The following ZMYND11 variants were observed in gnomAD, a reference collection of about 807,000 sequenced individuals.
The protein encoded by ZMYND11 is zinc finger MYND-type containing 11.
A neutral mutation model predicts 84.9 loss-of-function variants in ZMYND11; 9 were observed. The ratio of observed to expected loss-of-function variants is 0.11; its 90% CI spans 0.06 to 0.18. ZMYND11 has a LOEUF of 0.18. Ranked by LOEUF, ZMYND11 falls within the 10% of genes least tolerant of loss-of-function variation. ZMYND11 has a pLI of 1.00. For missense variants in ZMYND11, 409 were observed against 761.0 expected, an observed-to-expected ratio of 0.54 and a Z score of 5.44; for synonymous variants, 250 against 244.1, an observed-to-expected ratio of 1.02 and a Z score of -0.23.
intron 4 of ZMYND11, among the ~76,000 whole-genome samples, chr10:234,961 G>C (rs1017186705): frequency 2.1e-5 from 3 of 145,896 alleles, no homozygotes; most frequent in African/African-American, 7.6e-5. Context: ...TGTACAAGAG[G>C]TGCCCGCTAG....
intron 2 of ZMYND11, among the ~76,000 whole-genome samples, chr10:182,384 G>A (rs1848067567): frequency 6.6e-6 from 1 of 152,122 alleles, no homozygotes; most frequent in Non-Finnish European, 1.5e-5. Flanking sequence ...CATCAGCATA[G>A]CCTTAACTGA....
chr10:136,927 A>G (rs1203320377), intron 1 of ZMYND11, among the ~76,000 whole-genome samples: 1 of 152,098 alleles, frequency 6.6e-6, no homozygotes, highest in East Asian at 1.9e-4. Context: ...CATATACGTT[A>G]GGTATATAGT....
chr10:202,634 T>G (rs1943424501), intron 2 of ZMYND11, among the ~76,000 whole-genome samples: 1 of 152,182 alleles, frequency 6.6e-6, no homozygotes, highest in African/African-American at 2.4e-5. Context: ...TGTGTGCTAG[T>G]TGCGACTCAT....
intron 3 of ZMYND11, among the ~76,000 whole-genome samples, chr10:211,209 A>G (rs1945155347): frequency 6.6e-6 from 1 of 152,032 alleles, no homozygotes; most frequent in Admixed American, 6.6e-5. Flanking sequence ...AAAGAAAAAA[A>G]AAAATCTATC....
intron 3 of ZMYND11, among the ~76,000 whole-genome samples, chr10:213,017 C>T (rs1195110634): frequency 2.0e-5 from 3 of 152,144 alleles, no homozygotes; most frequent in South Asian, 4.1e-4. Flanking sequence ...CCTGATAACA[C>T]TCTAGGAGGA....
chr10:160,383 T>C (rs1396867148), intron 1 of ZMYND11, among the ~76,000 whole-genome samples: 2 of 152,344 alleles, frequency 1.3e-5, no homozygotes, highest in Admixed American at 6.5e-5. Flanking sequence ...TGTGGTCTTT[T>C]TGCTGGTGGA....
At chr10:201,963 A>G (rs1943265827) in intron 2 of ZMYND11, among the ~76,000 whole-genome samples, 2 of 152,172 alleles carry the variant, frequency 1.3e-5, no homozygotes, top group Admixed American at 6.5e-5. Flanking sequence ...CTTTATTGGA[A>G]GAAGAAAAGT....
At chr10:240,034 T>C in intron 7 of ZMYND11, 22 bp from the exon 8 acceptor site, 2 of 1,599,644 alleles carry the variant, frequency 1.3e-6, no homozygotes. Flanking sequence ...TGCTTATAGG[T>C]AATATCTATT....
At chr10:181,789 A>C (rs1176323568) in intron 2 of ZMYND11, among the ~76,000 whole-genome samples, 1 of 152,198 alleles carries the variant, frequency 6.6e-6, no homozygotes, top group Non-Finnish European at 1.5e-5. Flanking sequence ...AGATAATACT[A>C]TGTGAACAAT....
intron 2 of ZMYND11, among the ~76,000 whole-genome samples, chr10:194,851 T>C (rs1231795349): frequency 6.6e-6 from 1 of 152,182 alleles, no homozygotes; most frequent in Non-Finnish European, 1.5e-5. Flanking sequence ...AGGGATGTAA[T>C]GGAGGAAATG....
intron 2 of ZMYND11, among the ~76,000 whole-genome samples, chr10:204,105 T>C (rs1943718580): frequency 6.6e-6 from 1 of 152,152 alleles, no homozygotes; most frequent in African/African-American, 2.4e-5. Flanking sequence ...TGCTGAACAA[T>C]TGTGTGGTTT....
chr10:245,609 A>C (rs1454459035), intron 10 of ZMYND11, among the ~76,000 whole-genome samples: 1 of 152,170 alleles, frequency 6.6e-6, no homozygotes, highest in Non-Finnish European at 1.5e-5. Flanking sequence ...ACAGTTTCCT[A>C]CCTCATTTGT....
chr10:235,445 C>T (rs1949785863), intron 4 of ZMYND11, among the ~76,000 whole-genome samples: 1 of 151,838 alleles, frequency 6.6e-6, no homozygotes, highest in South Asian at 2.1e-4. Context: ...AAACCCAGGG[C>T]TCAGGAAATT....
intron 2 of ZMYND11, among the ~76,000 whole-genome samples, chr10:208,092 A>G (rs1325900021): frequency 6.6e-6 from 1 of 152,222 alleles, no homozygotes; most frequent in Non-Finnish European, 1.5e-5. Context: ...CTGGCTAGCC[A>G]TATGTAGAAA....
At chr10:163,626 T>A (rs1367732101) in intron 1 of ZMYND11, among the ~76,000 whole-genome samples, 3 of 152,180 alleles carry the variant, frequency 2.0e-5, no homozygotes, top group African/African-American at 4.8e-5. Flanking sequence ...ACATATATTT[T>A]AAAAATGTTT....
intron 4 of ZMYND11, among the ~76,000 whole-genome samples, chr10:223,335 A>G (rs1430629658): frequency 1.3e-5 from 2 of 152,144 alleles, no homozygotes; most frequent in African/African-American, 2.4e-5. Flanking sequence ...CATCGTGCCC[A>G]GTCTGTGTTT....
At chr10:229,046 T>C (rs1948575168) in intron 4 of ZMYND11, among the ~76,000 whole-genome samples, 1 of 152,236 alleles carries the variant, frequency 6.6e-6, no homozygotes, top group Non-Finnish European at 1.5e-5. Flanking sequence ...GATGCTTTCA[T>C]AGTTACTAAG....
At chr10:214,258 G>T (rs1340102819) in intron 3 of ZMYND11, among the ~76,000 whole-genome samples, 1 of 151,990 alleles carries the variant, frequency 6.6e-6, no homozygotes, top group Non-Finnish European at 1.5e-5. Context: ...TTAAAGTAAG[G>T]CCACTCCCAA....
At chr10:140,392 G>C (rs1006106685) in intron 1 of ZMYND11, among the ~76,000 whole-genome samples, 1 of 152,256 alleles carries the variant, frequency 6.6e-6, no homozygotes, top group African/African-American at 2.4e-5. Flanking sequence ...TTTTCCATTA[G>C]AAAATCCATA....
Sources: allele counts gnomAD v4.1 joint callset (sites outside exome capture counted in the v4.1 genomes callset), GRCh38; gene constraint gnomAD v4.1.1; transcripts MANE v1.5; gene names NCBI Gene and HGNC (gene_info 2026-07-23, HGNC 2026-07-21).